The following HUWE1 variants were observed in gnomAD, a reference collection of about 807,000 sequenced individuals.
HUWE1 encodes E3 ubiquitin-protein ligase HUWE1.
HUWE1 carries 18 observed loss-of-function variants against 299.4 expected under a neutral mutation model. That is an observed-to-expected ratio of 0.06 (90% CI 0.04 to 0.09). The LOEUF is 0.09. Among genes scored for constraint, HUWE1 ranks in the 10% least tolerant of loss-of-function variants. The probability of loss-of-function intolerance (pLI) is 1.00; values close to 1 mark genes in which losing one functional copy is unlikely to be tolerated. For synonymous variants in HUWE1, 1,317 were observed against 1,286.1 expected, an observed-to-expected ratio of 1.02 and a Z score of -0.51; for missense variants, 1,832 against 3,462.3, an observed-to-expected ratio of 0.53 and a Z score of 11.82.
At chrX:53,627,049 T>C (rs782141343) in intron 17 of HUWE1, among the ~76,000 whole-genome samples, 2 of 111,259 alleles carry the variant, frequency 1.8e-5, no homozygotes, top group Admixed American at 1.9e-4. Context: ...TAGGATGTTA[T>C]CAGGCACTGC....
chrX:53,669,856 A>G (rs1045866354), intron 3 of HUWE1, among the ~76,000 whole-genome samples: 13 of 112,465 alleles, frequency 1.2e-4, no homozygotes, highest in Non-Finnish European at 2.3e-4. Context: ...AATACTTAAC[A>G]TAAGTATATA....
At chrX:53,639,584 C>A (rs2067441451) in intron 7 of HUWE1, among the ~76,000 whole-genome samples, 1 of 111,460 alleles carries the variant, frequency 9.0e-6, no homozygotes, top group Non-Finnish European at 1.9e-5. Context: ...GACAAAAACA[C>A]CCTCAACAGT....
chrX:53,654,210 C>A, intron 3 of HUWE1, 79 bp from the exon 4 acceptor site: 1 of 620,126 alleles, frequency 1.6e-6, no homozygotes, highest in Non-Finnish European at 2.6e-6. Flanking sequence ...ACAGACAATA[C>A]AGAATGAAGA....
chrX:53,602,944 G>A (rs1263956056), intron 27 of HUWE1, among the ~76,000 whole-genome samples: 3 of 107,034 alleles, frequency 2.8e-5, no homozygotes, highest in Non-Finnish European at 5.8e-5. Context: ...CTCCACCTCC[G>A]GGGTTCAAGC....
chrX:53,580,946 G>T lies in HUWE1; in HGVS notation c.5601C>A (p.Ile1867=). ...GCCCAAGGACACGAAGGATGTAGTT[G>T]ATCTCCCGAGAGCCGAGGCTGCCAG... ...VVSGSLGSRE[I]NYILRVLGPA... The change falls in exon 43 of 84, where the codon ATC becomes ATA. Residue 1867 remains isoleucine (I), a synonymous_variant. Coordinates refer to ENST00000262854, the MANE Select transcript of HUWE1 (RefSeq NM_031407.7). 8.3e-7 allele frequency: 1 copy of T among 1,210,311 alleles called. No homozygotes were observed. Among genetic ancestry groups the T allele is most frequent in the Non-Finnish European group, 1.1e-6 (1 of 894,635 alleles).
At chrX:53,543,154 T>C (rs1408157565) in intron 73 of HUWE1, among the ~76,000 whole-genome samples, 4 of 110,663 alleles carry the variant, frequency 3.6e-5, no homozygotes, top group Non-Finnish European at 5.7e-5. Context: ...TACTGTATAA[T>C]AGTAATTATA....
chrX:53,537,140 T>C (rs1001798013), intron 78 of HUWE1: 10 of 232,439 alleles, frequency 4.3e-5, no homozygotes, highest in African/African-American at 2.6e-4. Context: ...CTCCAATAGG[T>C]CTTTCATCTC....
intron 43 of HUWE1, among the ~76,000 whole-genome samples, chrX:53,579,162 T>C (rs782751646): frequency 1.1e-4 from 4 of 34,854 alleles, no homozygotes; most frequent in Non-Finnish European, 1.5e-4. Flanking sequence ...TGAGGACCCC[T>C]CTGCCCGGCC....
chrX:53,591,215 T>C (rs1290788355), intron 33 of HUWE1, 93 bp from the exon 34 acceptor site: 6 of 1,019,229 alleles, frequency 5.9e-6, no homozygotes, highest in Non-Finnish European at 8.1e-6. Flanking sequence ...AAATAACTTT[T>C]TCTAACTTCA....
At position 53,538,784 on chromosome X, in the gene HUWE1, C is replaced by T. The variant is rs782819816; in HGVS notation, c.11878+51G>A. ...CTAAGGATTAACTGTATGAAACAAT[C>T]CTGTTTAAAATGAAGCCTTCTACAC... is the stretch of plus-strand genomic sequence containing the variant. On this transcript the variant is annotated intron_variant, in intron 76 of 83. Transcript: ENST00000262854. 9.0e-6 allele frequency: 10 copies of T among 1,106,208 alleles called. No homozygotes were observed. The South Asian group carries it at 1.7e-4, about 19-fold the overall frequency. 91.2% of individuals were successfully genotyped at this position (1,106,208 alleles called of 1,213,427 possible).
intron 23 of HUWE1, among the ~76,000 whole-genome samples, chrX:53,609,585 T>C (rs889300985): frequency 1.8e-5 from 2 of 112,453 alleles, no homozygotes; most frequent in Non-Finnish European, 3.8e-5. Context: ...GCACAGCAGA[T>C]GAGAAGGCTA....
At chrX:53,608,997 G>A in intron 23 of HUWE1, 88 bp from the exon 24 acceptor site, 1 of 586,763 alleles carries the variant, frequency 1.7e-6, no homozygotes, top group East Asian at 3.3e-5. Context: ...TAAAATTCTA[G>A]GCCTTTTTCT....
Position 53,559,420 on chromosome X carries a change from C to T in HUWE1, c.7849G>A (p.Ala2617Thr), listed in dbSNP as rs2062183231. 4 of 1,210,461 alleles carry T rather than the reference C, an allele frequency of 3.3e-6. No individual in the cohort carries two copies. The highest frequency in any genetic ancestry group is 5.9e-5 in the East Asian group (2 of 33,809). The change falls in exon 57 of 84, where the codon GCC (alanine) becomes ACC (threonine). Residue 2617 changes from alanine to threonine, a missense_variant. Transcript: ENST00000262854. The stretch of plus-strand genomic sequence containing the variant: ...TCCAGCAGCTCATCATCAGAACGGG[C>T]GATGATGTGGACGTCATCGTTGCCT... ...LVGNDDVHII[A>T]RSDDELLDDF...
chrX:53,557,490 T>C, intron 59 of HUWE1, 63 bp from the exon 60 acceptor site: 2 of 907,177 alleles, frequency 2.2e-6, no homozygotes, highest in South Asian at 2.0e-5. Flanking sequence ...AGGTCAACTG[T>C]AATAGTCACC....
chrX:53,601,682 T>TC (rs200826826), intron 28 of HUWE1, among the ~76,000 whole-genome samples: 1 of 107,184 alleles, frequency 9.3e-6, no homozygotes, highest in Non-Finnish European at 1.9e-5. Context: ...TTTTTTTTTT[T>TC]CCTGAGGCGG....
chrX:53,537,253 T>A (rs1556913871), intron 78 of HUWE1: 1 of 329,008 alleles, frequency 3.0e-6, no homozygotes, highest in African/African-American at 2.6e-5. Flanking sequence ...TCATACATGG[T>A]CATTCCTAGT....
intron 47 of HUWE1, among the ~76,000 whole-genome samples, chrX:53,572,756 C>A (rs1204000146): frequency 8.9e-6 from 1 of 112,012 alleles, no homozygotes; most frequent in Middle Eastern, 4.6e-3. Flanking sequence ...GCTACCACAT[C>A]TGGTGTCTTT....
intron 3 of HUWE1, among the ~76,000 whole-genome samples, chrX:53,664,217 A>G (rs2069143482): frequency 9.0e-6 from 1 of 110,920 alleles, no homozygotes; most frequent in Admixed American, 9.6e-5. Context: ...CGCCTGGCTA[A>G]TTTTTATATT....
chrX:53,532,575 G>GC lies in HUWE1; in HGVS notation c.*733dup, dbSNP rs1433077026. 5 of 107,508 alleles carry GC rather than the reference G, an allele frequency of 4.7e-5. No individual in the cohort carries two copies. The highest frequency in any genetic ancestry group is 3.0e-4 in the Admixed American group (3 of 9,979). 8.9% of individuals were successfully genotyped at this position (107,508 alleles called of 1,213,427 possible). On this transcript the variant is annotated 3_prime_UTR_variant, in exon 84 of 84. Transcript: ENST00000262854. ...CCCATTCTAAAAAAAAAAAACAGATGCCCCCACCCCCAATTCCTGGTGAAC... is the reference window on the plus strand; with the variant it reads ...CCCATTCTAAAAAAAAAAAACAGATGCCCCCCACCCCCAATTCCTGGTGAAC...
Sources: gnomAD v4.1 joint callset for allele counts (sites outside exome capture counted in the v4.1 genomes callset) on GRCh38, gnomAD v4.1.1 for gene constraint, MANE v1.5 for transcripts, NCBI Gene and HGNC (gene_info 2026-07-23, HGNC 2026-07-21) for gene names.